C3AR1: variants seen among roughly 807,000 people sequenced by gnomAD.
C3AR1 encodes the protein C3a anaphylatoxin chemotactic receptor.
For synonymous variants in C3AR1, 208 were observed against 225.3 expected (o/e 0.92, Z 0.69); for missense variants, 579 against 583.5 (o/e 0.99, Z 0.08).
rs911464707 is a variant in C3AR1 at position 8,061,195 on chromosome 12, C to T, written c.-10-1000G>A. Among the ~76,000 whole-genome samples the T allele has an allele frequency of 3.9e-5, 6 of 151,926 alleles. No individual in the cohort carries two copies. In the South Asian group the frequency reaches 6.2e-4, roughly 16 times the overall value. On this transcript the variant is annotated intron_variant, in intron 1 of 1. Transcript: ENST00000307637. ...TTCTTATTTATTTGTGTTTTATGAC[C>T]GTAACTTGGGAAAAGAGCTTTATTA...
intron 1 of C3AR1, among the ~76,000 whole-genome samples, chr12:8,065,758 G>A (rs771862305): frequency 5.3e-5 from 8 of 150,518 alleles, no homozygotes; most frequent in Non-Finnish European, 1.0e-4. Flanking sequence ...TTTAAGATTA[G>A]TAGAGGATTA....
At chr12:8,060,889 T>C (rs1947267438) in intron 1 of C3AR1, among the ~76,000 whole-genome samples, 1 of 152,210 alleles carries the variant, frequency 6.6e-6, no homozygotes, top group South Asian at 2.1e-4. Flanking sequence ...CACAAAAATA[T>C]CTGGACTGGA....
rs375852459 is a variant in C3AR1, at chr12:8,059,082, G to A, written c.1104C>T (p.Phe368=). 14 of 1,614,056 alleles carry A rather than the reference G, an allele frequency of 8.7e-6. No individual in the cohort carries two copies. Among genetic ancestry groups the A allele is most frequent in the Non-Finnish European group, 1.2e-5 (14 of 1,180,040 alleles). Residue 368 remains phenylalanine, a synonymous_variant, in exon 2 of 2, where the codon TTC becomes TTT. Transcript: ENST00000307637. ...FIVFRMQRGR[F]AKSQSKTFRV... ...GAAAGGTTTTGCTCTGAGACTTGGC[G>A]AAGCGGCCCCTTTGCATTCGGAAGA...
At chr12:8,064,689 C>CAAAAAAAAAAAA (rs59800369) in intron 1 of C3AR1, among the ~76,000 whole-genome samples, 3 of 129,458 alleles carry the variant, frequency 2.3e-5, no homozygotes, top group African/African-American at 8.7e-5. Flanking sequence ...AACTCCATCT[C>CAAAAAAAAAAAA]AAAAAAAAAA....
At chr12:8,061,590 G>A (rs1352554152) in intron 1 of C3AR1, among the ~76,000 whole-genome samples, 1 of 152,018 alleles carries the variant, frequency 6.6e-6, no homozygotes, top group East Asian at 1.9e-4. Flanking sequence ...AGCCTCCTGA[G>A]TAGCTGGGAC....
In C3AR1 at chr12:8,058,898, A is replaced by C; in HGVS notation, c.1288T>G (p.Phe430Val). ...CIALASANSC[F>V]NPFLYALLGK... ...AAGAGGGCATAAAGGAAGGGATTAA[A>C]GCAACTATTGGCAGATGCTAGAGCA... Residue 430 changes from phenylalanine to valine, a missense_variant, in exon 2 of 2, where the codon TTT becomes GTT. By Grantham distance (50) the Phe-to-Val change is conservative. Coordinates refer to ENST00000307637, the MANE Select transcript of C3AR1 (RefSeq NM_004054.4). 19 of 1,614,218 alleles carry C rather than the reference A, an allele frequency of 1.2e-5. No homozygotes were observed. Among genetic ancestry groups the C allele is most frequent in the Non-Finnish European group, 1.6e-5 (19 of 1,180,032 alleles).
chr12:8,059,634 A>G lies in C3AR1; in HGVS notation c.552T>C (p.Tyr184=). 6.2e-7 allele frequency: 1 copy of G among 1,614,210 alleles called. No individual in the cohort carries two copies. The highest frequency in any genetic ancestry group is 8.5e-7 in the Non-Finnish European group (1 of 1,180,036). ...YKFGLSSSLD[Y]PDFYGDPLEN... is the part of the protein sequence containing the mutation. ...CTAGTGGATCTCCATAAAAGTCTGG[A>G]TAATCTAATGAGCTGGAGAGACCAA... The change falls in exon 2 of 2, where the codon TAT becomes TAC. Residue 184 remains tyrosine, a synonymous_variant. Transcript: ENST00000307637.
intron 1 of C3AR1, among the ~76,000 whole-genome samples, chr12:8,064,544 G>C (rs1947309516): frequency 6.6e-6 from 1 of 151,860 alleles, no homozygotes; most frequent in African/African-American, 2.4e-5. Flanking sequence ...ACAAAATTAG[G>C]TGGGCATGGT....
chr12:8,058,554 A>C lies in C3AR1; in HGVS notation c.*183T>G. On this transcript the variant is annotated 3_prime_UTR_variant, in exon 2 of 2. Coordinates refer to ENST00000307637, the MANE Select transcript of C3AR1 (RefSeq NM_004054.4). ...AGCAAGTCTGGGATGCGGCTTGAGAATTTGCATTTCTAACAAGTTTCTAGG... is the reference window on the plus strand; with the variant it reads ...AGCAAGTCTGGGATGCGGCTTGAGACTTTGCATTTCTAACAAGTTTCTAGG... 1.5e-6 allele frequency: 1 copy of C among 667,008 alleles called. No individual in the cohort carries two copies. Among genetic ancestry groups the C allele is most frequent in the Non-Finnish European group, 2.5e-6 (1 of 407,482 alleles). 41.3% of individuals were successfully genotyped at this position (667,008 alleles called of 1,614,324 possible).
rs147475827 is a variant in C3AR1, at chr12:8,057,993, A to T, written c.*744T>A. On this transcript the variant is annotated 3_prime_UTR_variant, in exon 2 of 2. Transcript: ENST00000307637. ...ACCGGTAGGCAGTTAGAAGAAACAG[A>T]ACTCCCCAAACCACAGCTTTCATAA... Among the ~76,000 whole-genome samples, 1 of 152,238 alleles carries T rather than the reference A, an allele frequency of 6.6e-6. No homozygotes were observed. The highest frequency in any genetic ancestry group is 2.4e-5 in the African/African-American group (1 of 41,556).
At position 8,057,970 on chromosome 12, in the gene C3AR1, C is replaced by T. The variant is rs1415723438; in HGVS notation, c.*767G>A. Among the ~76,000 whole-genome samples the T allele has an allele frequency of 1.3e-5, 2 of 152,222 alleles. No homozygotes were observed. Among genetic ancestry groups the T allele is most frequent in the East Asian group, 3.9e-4 (2 of 5,186 alleles). On this transcript the variant is annotated 3_prime_UTR_variant, in exon 2 of 2. Transcript: ENST00000307637. ...GAGGAGTGGAAAATAGGTGCCCAAC[C>T]GGTAGGCAGTTAGAAGAAACAGAAC...
At position 8,060,197 on chromosome 12, in the gene C3AR1, T is replaced by C. The variant is rs749671193; in HGVS notation, c.-10-2A>G. 1.3e-6 allele frequency: 2 copies of C among 1,562,706 alleles called. No homozygotes were observed. Among genetic ancestry groups the C allele is most frequent in the South Asian group, 1.2e-5 (1 of 85,048 alleles). On this transcript the variant is annotated splice_acceptor_variant, in intron 1 of 1. Coordinates refer to ENST00000307637, the MANE Select transcript of C3AR1 (RefSeq NM_004054.4). LOFTEE classifies it low-confidence loss of function (5UTR_SPLICE). The stretch of plus-strand genomic sequence containing the variant: ...GAGAAAGACGCCATTGCTAAACTTC[T>C]GCAAAAAGATGAAAAAAATGTTAAA...
intron 1 of C3AR1, among the ~76,000 whole-genome samples, chr12:8,064,395 TA>T (rs1351689827): frequency 6.6e-6 from 1 of 151,958 alleles, no homozygotes; most frequent in African/African-American, 2.4e-5. Flanking sequence ...AACAAAATAA[TA>T]AAAAAGAAGA....
intron 1 of C3AR1, 46 bp downstream of exon 1, chr12:8,066,232 A>T (rs1947329655): frequency 6.6e-6 from 1 of 152,230 alleles, no homozygotes; most frequent in South Asian, 2.1e-4. Flanking sequence ...TATAATGAGC[A>T]AAACAGGCTA....
rs1241712672 is a variant in C3AR1, at chr12:8,060,247, C to T, written c.-10-52G>A. On this transcript the variant is annotated intron_variant, in intron 1 of 1. Transcript: ENST00000307637. ...AACAAACAGTATCTTTTTGAAAATGCATACATATTCTTAGGATTCTAATCT... is the reference window on the plus strand; with the variant it reads ...AACAAACAGTATCTTTTTGAAAATGTATACATATTCTTAGGATTCTAATCT... 4.5e-6 allele frequency: 6 copies of T among 1,340,352 alleles called. No individual in the cohort carries two copies. The Admixed American group carries it at 6.4e-5, about 14-fold the overall frequency. 83.0% of individuals were successfully genotyped at this position (1,340,352 alleles called of 1,614,324 possible).
chr12:8,059,676 A>G lies in C3AR1; in HGVS notation c.510T>C (p.Asn170=), dbSNP rs137921620. ...AGAGACCAAATTTGTAGCCACATCT[A>G]TTATGGTTGTCTGTAGTGAAGATTT... ...YREIFTTDNH[N]RCGYKFGLSS... is the part of the protein sequence containing the mutation. The change falls in exon 2 of 2, where the codon AAT becomes AAC. Residue 170 remains asparagine (N), a synonymous_variant. Transcript: ENST00000307637. 110 of 1,614,210 alleles carry G rather than the reference A, an allele frequency of 6.8e-5. No homozygotes were observed. The African/African-American group carries it at 1.3e-3, about 18-fold the overall frequency.
chr12:8,060,340 C>G (rs1947262511), intron 1 of C3AR1, 145 bp from the exon 2 acceptor site: 1 of 615,872 alleles, frequency 1.6e-6, no homozygotes, highest in Non-Finnish European at 2.9e-6. Flanking sequence ...CCTTCCTTCA[C>G]CTCACACGGG....
At chr12:8,063,268 C>T (rs1175499061) in intron 1 of C3AR1, among the ~76,000 whole-genome samples, 1 of 152,122 alleles carries the variant, frequency 6.6e-6, no homozygotes, top group African/African-American at 2.4e-5. Context: ...CCACCAACTT[C>T]TTAATTCTTT....
At chr12:8,063,283 T>C (rs1468497882) in intron 1 of C3AR1, among the ~76,000 whole-genome samples, 1 of 152,180 alleles carries the variant, frequency 6.6e-6, no homozygotes, top group Non-Finnish European at 1.5e-5. Context: ...TTCTTTGTAA[T>C]GTATCTTCTG....
Sources: allele counts gnomAD v4.1 joint callset (sites outside exome capture counted in the v4.1 genomes callset), GRCh38; gene constraint gnomAD v4.1.1; transcripts MANE v1.5; gene names NCBI Gene and HGNC (gene_info 2026-07-23, HGNC 2026-07-21).